The following TAOK1 variants were observed in gnomAD, a reference collection of about 807,000 sequenced individuals.
TAOK1 encodes serine/threonine-protein kinase TAO1.
Under a neutral mutation model 138.3 loss-of-function variants are expected in TAOK1, and 21 were observed. The ratio of observed to expected loss-of-function variants is 0.15; its 90% CI spans 0.11 to 0.22. TAOK1 has a LOEUF of 0.22. Ranked by LOEUF, TAOK1 falls within the 10% of genes least tolerant of loss-of-function variation. The pLI is 1.00. For synonymous variants in TAOK1, 361 were observed against 398.4 expected (o/e 0.91, Z 1.12); for missense variants, 651 against 1,227.7 (o/e 0.53, Z 7.02).
chr17:29,517,890 A>G (rs1397778859), intron 16 of TAOK1, among the ~76,000 whole-genome samples: 2 of 151,904 alleles, frequency 1.3e-5, no homozygotes, highest in African/African-American at 4.8e-5. Context: ...CAGTCTCTCC[A>G]TGTCGCCAAG....
intron 1 of TAOK1, among the ~76,000 whole-genome samples, chr17:29,412,763 C>G (rs745752598): frequency 4.6e-5 from 7 of 152,178 alleles, no homozygotes; most frequent in Non-Finnish European, 7.3e-5. Flanking sequence ...ACTAGGGCAA[C>G]TATTTATACA....
chr17:29,440,075 T>G (rs143898327), intron 1 of TAOK1, among the ~76,000 whole-genome samples: 186 of 152,174 alleles, frequency 1.2e-3, no homozygotes, highest in African/African-American at 4.3e-3. Flanking sequence ...TAACACAGAT[T>G]TTGAGCTATG....
At chr17:29,520,440 T>A (rs1196775224) in intron 16 of TAOK1, among the ~76,000 whole-genome samples, 1 of 151,598 alleles carries the variant, frequency 6.6e-6, no homozygotes, top group African/African-American at 2.4e-5. Context: ...TTTTTTTTTT[T>A]TGAGACTCTA....
intron 1 of TAOK1, among the ~76,000 whole-genome samples, chr17:29,404,815 T>G (rs1904949062): frequency 6.6e-6 from 1 of 152,138 alleles, no homozygotes; most frequent in Non-Finnish European, 1.5e-5. Flanking sequence ...AAGTAAAAAC[T>G]GTTTAATTTT....
At chr17:29,428,014 A>G (rs757320614) in intron 1 of TAOK1, among the ~76,000 whole-genome samples, 1 of 152,130 alleles carries the variant, frequency 6.6e-6, no homozygotes, top group South Asian at 2.1e-4. Flanking sequence ...AGAGTCTAGG[A>G]TAGCTCCTGG....
At chr17:29,522,177 C>A in intron 16 of TAOK1, 103 bp from the exon 17 acceptor site, 1 of 1,415,572 alleles carries the variant, frequency 7.1e-7, no homozygotes, top group Non-Finnish European at 9.5e-7. Context: ...AATTGAATAA[C>A]AGGGTTAATT....
chr17:29,423,707 G>A (rs1475895429), intron 1 of TAOK1, among the ~76,000 whole-genome samples: 1 of 151,818 alleles, frequency 6.6e-6, no homozygotes, highest in African/African-American at 2.4e-5. Context: ...ATTTAATTCT[G>A]TGTGGTCGGA....
chr17:29,528,275 C>T (rs946736002), intron 17 of TAOK1, among the ~76,000 whole-genome samples: 1 of 152,078 alleles, frequency 6.6e-6, no homozygotes, highest in Non-Finnish European at 1.5e-5. Flanking sequence ...GTCTCAAACT[C>T]GACCTCAAAT....
chr17:29,411,088 G>GTTTTTTTT (rs71138814), intron 1 of TAOK1, among the ~76,000 whole-genome samples: 6 of 94,090 alleles, frequency 6.4e-5, no homozygotes, highest in Admixed American at 1.4e-4. Context: ...TCTTTTTACT[G>GTTTTTTTT]TTTTTTTTTT....
chr17:29,522,017 A>T (rs1219747829), intron 16 of TAOK1, among the ~76,000 whole-genome samples: 1 of 152,246 alleles, frequency 6.6e-6, no homozygotes, highest in African/African-American at 2.4e-5. Flanking sequence ...ACAAAAGAAG[A>T]ATGTTAAACC....
chr17:29,401,168 G>T (rs1170703965), intron 1 of TAOK1, among the ~76,000 whole-genome samples: 1 of 152,000 alleles, frequency 6.6e-6, no homozygotes, highest in Non-Finnish European at 1.5e-5. Flanking sequence ...TCTTGCCTTG[G>T]CCTCCCAAAG....
intron 1 of TAOK1, among the ~76,000 whole-genome samples, chr17:29,431,476 T>TA (rs1243759666): frequency 3.3e-5 from 5 of 152,032 alleles, no homozygotes; most frequent in Non-Finnish European, 5.9e-5. Context: ...CTTAGGTTTT[T>TA]GGATTACTAA....
Position 29,469,208 on chromosome 17 carries a change from TC to T in TAOK1, c.204+1998del, listed in dbSNP as rs1290101882. Reference sequence around the variant, plus strand: ...GACCACCCTGGGGAACATAGTGAGATCCCCCCTCCCCCGCCCCATCTCAGTC... The same window carrying T: ...GACCACCCTGGGGAACATAGTGAGATCCCCCTCCCCCGCCCCATCTCAGTC... On this transcript the variant is annotated intron_variant, in intron 3 of 19. Coordinates refer to ENST00000261716, the MANE Select transcript of TAOK1 (RefSeq NM_020791.4). Among the ~76,000 whole-genome samples the T allele has an allele frequency of 1.4e-3, 210 of 146,358 alleles. 1 individual carries two copies. The highest frequency in any genetic ancestry group is 4.9e-3 in the African/African-American group (193 of 39,512).
Position 29,475,759 on chromosome 17 carries a change from A to C in TAOK1, c.294A>C (p.Glu98Asp), listed in dbSNP as rs2030929409. The change falls in exon 4 of 20, where the codon GAA becomes GAC. Residue 98 changes from glutamate (E) to aspartate (D), a missense_variant. Around this residue, in one of 8 missense-constraint regions of TAOK1, gnomAD observed 116 missense variants for 213.9 expected, o/e 0.54. Transcript: ENST00000261716. Reference protein sequence around the residue: ...SIEYKGCYLREHTAWLVMEYC... With the variant: ...SIEYKGCYLRDHTAWLVMEYC... ...AATACAAAGGCTGTTATTTACGTGA[A>C]CACACAGCATGGGTTGGTATTTGTT... The C allele has an allele frequency of 1.2e-6, 2 of 1,611,822 alleles. No individual in the cohort carries two copies. Among genetic ancestry groups the C allele is most frequent in the Non-Finnish European group, 1.7e-6 (2 of 1,178,860 alleles).
intron 1 of TAOK1, among the ~76,000 whole-genome samples, chr17:29,415,950 T>C (rs561658702): frequency 6.6e-6 from 1 of 152,256 alleles, no homozygotes; most frequent in African/African-American, 2.4e-5. Context: ...AGATGTCTAT[T>C]CAATTTTCTG....
chr17:29,412,055 T>G (rs1905158795), intron 1 of TAOK1, among the ~76,000 whole-genome samples: 1 of 151,752 alleles, frequency 6.6e-6, no homozygotes, highest in Admixed American at 6.6e-5. Flanking sequence ...CTCTCTTTCT[T>G]TTTTTGAAAC....
intron 1 of TAOK1, among the ~76,000 whole-genome samples, chr17:29,418,597 T>C (rs769144306): frequency 9.9e-5 from 15 of 152,196 alleles, no homozygotes; most frequent in Non-Finnish European, 2.1e-4. Flanking sequence ...AAGTCACTTA[T>C]ATAAGATGAT....
chr17:29,485,262 C>T lies in TAOK1; in HGVS notation c.655+2974C>T, dbSNP rs2031146912. Among the ~76,000 whole-genome samples the T allele has an allele frequency of 1.3e-5, 2 of 151,924 alleles. 1 individual carries two copies. Among genetic ancestry groups the T allele is most frequent in the South Asian group, 4.2e-4 (2 of 4,806 alleles). On this transcript the variant is annotated intron_variant, in intron 8 of 19. Coordinates refer to ENST00000261716, the MANE Select transcript of TAOK1 (RefSeq NM_020791.4). Reference sequence around the variant, plus strand: ...TAATCTTTATAAAAATATAATTTACCATTTTTAATTACATAAATATATGTT... The same window carrying T: ...TAATCTTTATAAAAATATAATTTACTATTTTTAATTACATAAATATATGTT...
At chr17:29,535,490 A>G (rs2032206450) in intron 19 of TAOK1, among the ~76,000 whole-genome samples, 2 of 152,308 alleles carry the variant, frequency 1.3e-5, no homozygotes, top group South Asian at 2.1e-4. Flanking sequence ...TTTCTGGACC[A>G]TAGGCCTGTA....
Sources: allele counts gnomAD v4.1 joint callset (sites outside exome capture counted in the v4.1 genomes callset), GRCh38; gene constraint gnomAD v4.1.1; regional missense constraint gnomAD v4.1.1; transcripts MANE v1.5; gene names NCBI Gene and HGNC (gene_info 2026-07-23, HGNC 2026-07-21).